Variants in SETD2 observed in about 807,000 individuals in gnomAD.
SETD2 encodes the protein histone-lysine N-methyltransferase SETD2.
In SETD2, 31 loss-of-function variants were observed where a neutral mutation model predicts 242.1. The observed-to-expected ratio is 0.13, with a 90% CI of 0.10 to 0.17. The LOEUF is 0.17. Among genes scored for constraint, SETD2 ranks in the 10% least tolerant of loss-of-function variants. The pLI is 1.00. For synonymous variants in SETD2, 1,006 were observed against 1,066.5 expected, an observed-to-expected ratio of 0.94 and a Z score of 1.11; for missense variants, 2,481 against 3,046.3, an observed-to-expected ratio of 0.81 and a Z score of 4.37.
intron 16 of SETD2, among the ~76,000 whole-genome samples, chr3:47,044,033 T>C (rs2039403571): frequency 6.6e-6 from 1 of 152,072 alleles, no homozygotes. Context: ...TGGAAACTTA[T>C]TTATGTTTGT....
At chr3:47,101,280 C>T (rs1479894851) in intron 8 of SETD2, among the ~76,000 whole-genome samples, 178 bp downstream of exon 8, 1 of 152,018 alleles carries the variant, frequency 6.6e-6, no homozygotes, top group African/African-American at 2.4e-5. Flanking sequence ...TACAACATCC[C>T]TTAAGGGTCA....
intron 1 of SETD2, among the ~76,000 whole-genome samples, chr3:47,132,886 A>G (rs956882586): frequency 6.6e-6 from 1 of 152,354 alleles, no homozygotes; most frequent in East Asian, 1.9e-4. Context: ...GCCTATTAAA[A>G]TTTATTTCAT....
chr3:47,046,539 G>T lies in SETD2; in HGVS notation c.7046C>A (p.Ala2349Asp). 6.2e-7 allele frequency: 1 copy of T among 1,613,186 alleles called. No individual in the cohort carries two copies. Among genetic ancestry groups the T allele is most frequent in the Non-Finnish European group, 8.5e-7 (1 of 1,179,442 alleles). Residue 2349 changes from alanine (A) to aspartate (D), a missense_variant, in exon 16 of 21, where the codon GCC becomes GAC. Around this residue, in one of 17 missense-constraint regions of SETD2, gnomAD observed 235 missense variants for 293.9 expected, o/e 0.80. Coordinates refer to ENST00000409792, the MANE Select transcript of SETD2 (RefSeq NM_014159.7). ...TGCAACTATTGTAGTCACTGCTGCG[G>T]CTGGCTGTACCACCACTCCTTGTGG... ...AHPQGVVVQPAAAVTTIVAPG... is the reference protein window; with the variant it reads ...AHPQGVVVQPDAAVTTIVAPG...
intron 10 of SETD2, among the ~76,000 whole-genome samples, chr3:47,087,057 T>C (rs2041591807): frequency 6.6e-6 from 1 of 151,786 alleles, no homozygotes; most frequent in South Asian, 2.1e-4. Context: ...AAAATCATTT[T>C]GTGTTATCTA....
At position 47,164,099 on chromosome 3, in the gene SETD2, C is replaced by A. The variant is rs1697597781; in HGVS notation, c.-175G>T. The stretch of plus-strand genomic sequence containing the variant: ...TCGCTCCCTCCCTCCCTCGGACGCC[C>A]GCCAGCCGCTCTCTCCCTCTCACCC... On this transcript the variant is annotated 5_prime_UTR_variant, in exon 1 of 21. Coordinates refer to ENST00000409792, the MANE Select transcript of SETD2 (RefSeq NM_014159.7). This position sits in a 1 kb window ranked among gnomAD's most constrained non-coding sequence, Gnocchi z 5.4. The A allele has an allele frequency of 1.8e-6, 2 of 1,119,204 alleles. No homozygotes were observed. The highest frequency in any genetic ancestry group is 1.6e-5 in the African/African-American group (1 of 61,838). The allele number at this position is 1,119,204 out of a possible 1,614,324, so 69.3% of individuals were successfully genotyped here.
chr3:47,047,464 T>TATCC (rs1308109560), intron 15 of SETD2, among the ~76,000 whole-genome samples: 1 of 152,246 alleles, frequency 6.6e-6, no homozygotes, highest in Non-Finnish European at 1.5e-5. Context: ...AATAGACATG[T>TATCC]ATCCTGTGCT....
intron 18 of SETD2, among the ~76,000 whole-genome samples, chr3:47,023,805 G>A (rs371278027): frequency 1.3e-5 from 2 of 152,126 alleles, no homozygotes; most frequent in Non-Finnish European, 2.9e-5. Context: ...GAGTATGTGC[G>A]TAGGTGACAT....
chr3:47,060,958 T>A (rs1036080901), intron 14 of SETD2, among the ~76,000 whole-genome samples: 2 of 152,150 alleles, frequency 1.3e-5, no homozygotes, highest in African/African-American at 4.8e-5. Context: ...GCGCAGTGGC[T>A]CATGCCTGTA....
At chr3:47,050,788 T>A (rs1004321653) in intron 15 of SETD2, among the ~76,000 whole-genome samples, 3 of 133,224 alleles carry the variant, frequency 2.3e-5, no homozygotes, top group African/African-American at 8.4e-5. Flanking sequence ...GGAAGTGCAG[T>A]GGCGCAATCT....
chr3:47,060,398 GATTTCCCAGAGGA>G (rs2040281602), intron 14 of SETD2, among the ~76,000 whole-genome samples: 1 of 152,168 alleles, frequency 6.6e-6, no homozygotes, highest in African/African-American at 2.4e-5. Context: ...GAAAAGACAA[GATTTCCCAGAGGA>G]AAACCAAGAA....
Position 47,090,645 on chromosome 3 carries a change from C to T in SETD2, c.5143-2398G>A, listed in dbSNP as rs376300752. On this transcript the variant is annotated intron_variant, in intron 9 of 20. Coordinates refer to ENST00000409792, the MANE Select transcript of SETD2 (RefSeq NM_014159.7). Reference sequence around the variant, plus strand: ...GATCTTGTGATCTGCCCGCCTCAGCCTCCCAAAGTGCTAGGATTATAGCCG... The same window carrying T: ...GATCTTGTGATCTGCCCGCCTCAGCTTCCCAAAGTGCTAGGATTATAGCCG... Among the ~76,000 whole-genome samples, 14 of 152,230 alleles carry T rather than the reference C, an allele frequency of 9.2e-5. No individual in the cohort carries two copies. In the East Asian group the frequency reaches 2.7e-3, roughly 29 times the overall value.
At chr3:47,132,296 C>A (rs1205847731) in intron 1 of SETD2, among the ~76,000 whole-genome samples, 1 of 151,994 alleles carries the variant, frequency 6.6e-6, no homozygotes, top group Admixed American at 6.6e-5. Context: ...CTGCACCGGG[C>A]TAATATTTTT....
intron 14 of SETD2, 95 bp from the exon 15 acceptor site, chr3:47,057,585 T>A: frequency 2.3e-6 from 2 of 869,830 alleles, no homozygotes; most frequent in Non-Finnish European, 3.6e-6. Flanking sequence ...ACTAAACCAC[T>A]AACCACATCA....
chr3:47,084,005 T>G lies in SETD2; in HGVS notation c.5775A>C (p.Ser1925=), dbSNP rs905089474. 2 of 1,614,046 alleles carry G rather than the reference T, an allele frequency of 1.2e-6. No homozygotes were observed. Among genetic ancestry groups the G allele is most frequent in the Non-Finnish European group, 8.5e-7 (1 of 1,180,036 alleles). The change falls in exon 12 of 21, where the codon TCA becomes TCC. Residue 1925 remains serine (S), a synonymous_variant. Transcript: ENST00000409792. ...VPVEEEEELQ[S]QQLLPQQLPE... ...GCAGCTGTTGTGGGAGTAGCTGTTG[T>G]GACTGCAATTCTTCCTCTTCCTCTA...
chr3:47,084,466 C>A (rs2041461933), intron 11 of SETD2, 84 bp from the exon 12 acceptor site: 3 of 932,954 alleles, frequency 3.2e-6, no homozygotes, highest in African/African-American at 3.4e-5. Flanking sequence ...ACTCTGTCAC[C>A]CAGGCTGGAA....
intron 13 of SETD2, chr3:47,064,581 CT>C: frequency 8.3e-6 from 3 of 363,604 alleles, no homozygotes; most frequent in Non-Finnish European, 1.7e-5. Context: ...GACTCTGCAC[CT>C]TAGAATATGT....
intron 1 of SETD2, among the ~76,000 whole-genome samples, chr3:47,150,191 G>A (rs1439074453): frequency 5.3e-5 from 8 of 151,554 alleles, no homozygotes; most frequent in African/African-American, 1.5e-4. Context: ...CACCACGCCC[G>A]GCTAATTTTA....
intron 9 of SETD2, among the ~76,000 whole-genome samples, chr3:47,089,735 C>T (rs941915803): frequency 1.3e-5 from 2 of 151,986 alleles, no homozygotes; most frequent in African/African-American, 4.8e-5. Flanking sequence ...GAAGCATTAA[C>T]TGCAAATGTT....
intron 1 of SETD2, among the ~76,000 whole-genome samples, chr3:47,150,129 A>G (rs2043951912): frequency 7.0e-6 from 1 of 142,280 alleles, no homozygotes; most frequent in African/African-American, 2.6e-5. Context: ...TCCTGGGTTC[A>G]AGCAATTCCC....
Sources: allele counts gnomAD v4.1 joint callset (sites outside exome capture counted in the v4.1 genomes callset), GRCh38; gene constraint gnomAD v4.1.1; regional missense constraint gnomAD v4.1.1; non-coding constraint Gnocchi (gnomAD v3.1); transcripts MANE v1.5; gene names NCBI Gene and HGNC (gene_info 2026-07-23, HGNC 2026-07-21).